RBFOX1: variants seen among roughly 807,000 people sequenced by gnomAD.
RBFOX1 encodes the protein RNA binding fox-1 homolog 1, also known as RNA binding protein fox-1 homolog 1.
Under a neutral mutation model 57.7 loss-of-function variants are expected in RBFOX1, and 8 were observed. The observed-to-expected ratio is 0.14, with a 90% CI of 0.08 to 0.25. The LOEUF is 0.25. Ranked by LOEUF, RBFOX1 falls within the 10% of genes least tolerant of loss-of-function variation. The pLI is 1.00. For synonymous variants in RBFOX1, 326 were observed against 222.4 expected (o/e 1.47, Z -4.15); for missense variants, 611 against 548.5 (o/e 1.11, Z -1.14).
chr16:6,958,996 A>G (rs955832325), intron 3 of RBFOX1, among the ~76,000 whole-genome samples: 1 of 152,228 alleles, frequency 6.6e-6, no homozygotes, highest in Admixed American at 6.5e-5. Context: ...TGAATTAATT[A>G]TAAGGAGAAT....
In RBFOX1 at chr16:6,428,255, C is replaced by T. The variant is rs957019645; in HGVS notation, c.-64+111198C>T. Among the ~76,000 whole-genome samples, 3 of 139,792 alleles carry T rather than the reference C, an allele frequency of 2.1e-5. No homozygotes were observed. In the Admixed American group the frequency reaches 2.3e-4, roughly 11 times the overall value. The allele number at this position is 139,792 out of a possible 152,430, so 91.7% of individuals were successfully genotyped here. A position where few individuals can be genotyped will look rare whatever the true frequency, so the allele number is the denominator to read the frequency against. Reference sequence around the variant, plus strand: ...GAGCTGAGATTATACCACTGCACTCCAGCCTGGACAACAGAGGGAGACCTT... The same window carrying T: ...GAGCTGAGATTATACCACTGCACTCTAGCCTGGACAACAGAGGGAGACCTT... On this transcript the variant is annotated intron_variant, in intron 2 of 15. Transcript: ENST00000550418.
intron 4 of RBFOX1, among the ~76,000 whole-genome samples, chr16:7,405,302 C>G (rs1005160484): frequency 2.0e-5 from 3 of 152,200 alleles, no homozygotes; most frequent in South Asian, 2.1e-4. Context: ...TGGTAGCCCC[C>G]CCGCTGCAAA....
intron 3 of RBFOX1, among the ~76,000 whole-genome samples, chr16:6,893,113 C>T (rs759571756): frequency 6.6e-6 from 1 of 152,270 alleles, no homozygotes; most frequent in East Asian, 1.9e-4. Context: ...ATTCCATTCA[C>T]AGGAGCTCAC....
chr16:7,145,854 C>T (rs2074856099), intron 4 of RBFOX1, among the ~76,000 whole-genome samples: 3 of 152,156 alleles, frequency 2.0e-5, no homozygotes, highest in South Asian at 2.1e-4. Context: ...TATGGCCAGT[C>T]CTCTTCCTTC....
chr16:5,365,532 G>C (rs1287467569), intron 1 of RBFOX1, among the ~76,000 whole-genome samples: 1 of 152,152 alleles, frequency 6.6e-6, no homozygotes, highest in Non-Finnish European at 1.5e-5. Context: ...AGCTGGGCAT[G>C]GTGGCATGTG....
intron 1 of RBFOX1, among the ~76,000 whole-genome samples, chr16:5,243,307 A>T (rs187798900): frequency 2.0e-5 from 3 of 152,120 alleles, no homozygotes; most frequent in Non-Finnish European, 4.4e-5. Flanking sequence ...AACTCACTGG[A>T]GTCACTGAAA....
intron 3 of RBFOX1, among the ~76,000 whole-genome samples, chr16:6,819,678 C>G (rs2090884901): frequency 8.6e-6 from 1 of 115,702 alleles, no homozygotes; most frequent in African/African-American, 3.5e-5. Flanking sequence ...GCATTCCAGC[C>G]TGGGCAACAA....
intron 3 of RBFOX1, among the ~76,000 whole-genome samples, chr16:6,781,824 C>T (rs2081069534): frequency 2.0e-5 from 3 of 151,982 alleles, no homozygotes; most frequent in Non-Finnish European, 4.4e-5. Context: ...CTTAGCGTGG[C>T]TAAAGGTTTG....
At chr16:7,172,899 T>A (rs1239219494) in intron 4 of RBFOX1, among the ~76,000 whole-genome samples, 11 of 152,104 alleles carry the variant, frequency 7.2e-5, no homozygotes, top group Admixed American at 7.2e-4. Flanking sequence ...GCCATGAGAT[T>A]CCCAAGGAAG....
At chr16:7,659,494 G>T (rs2067155456) in intron 12 of RBFOX1, among the ~76,000 whole-genome samples, 1 of 152,118 alleles carries the variant, frequency 6.6e-6, no homozygotes. Flanking sequence ...AGACACAGGG[G>T]CGTCCAATCT....
intron 3 of RBFOX1, among the ~76,000 whole-genome samples, chr16:6,880,869 G>A (rs534737723): frequency 7.9e-5 from 12 of 152,326 alleles, no homozygotes; most frequent in African/African-American, 2.6e-4. Flanking sequence ...TACATTTTAT[G>A]TGGTTGACAG....
In RBFOX1 at chr16:6,089,000, G is replaced by T. The variant is rs372550808; in HGVS notation, c.-127+69008G>T. Among the ~76,000 whole-genome samples the T allele has an allele frequency of 9.2e-5, 14 of 151,474 alleles. No individual in the cohort carries two copies. In the East Asian group the frequency reaches 2.5e-3, roughly 27 times the overall value. ...AATCCCAGCTACTCGAGAGGCCGAG[G>T]CAGGACAACAGCTTGAACCCAGGAG... is the stretch of plus-strand genomic sequence containing the variant. On this transcript the variant is annotated intron_variant, in intron 1 of 15. Coordinates refer to ENST00000550418, the MANE Select transcript of RBFOX1 (RefSeq NM_018723.4).
intron 1 of RBFOX1, among the ~76,000 whole-genome samples, chr16:6,198,204 C>G (rs1448869281): frequency 6.6e-6 from 1 of 152,136 alleles, no homozygotes; most frequent in Non-Finnish European, 1.5e-5. Context: ...TGATTTTTAT[C>G]ATGCTTCAGA....
In RBFOX1 at chr16:5,547,289, A is replaced by C. The variant is rs113805210; in HGVS notation, c.259-51613A>C. Among the ~76,000 whole-genome samples, 1,273 of 152,344 alleles carry C rather than the reference A, an allele frequency of 8.4e-3. 25 individuals carry two copies. The highest frequency in any genetic ancestry group is 0.029 in the African/African-American group (1,194 of 41,566). The stretch of plus-strand genomic sequence containing the variant: ...GAGAAAAGGCAGCATGTCCTCAAAC[A>C]ACACACATGTGCATGAACATTGATG... On this transcript the variant is annotated intron_variant, in intron 2 of 2. Transcript: ENST00000585867.
At chr16:7,045,345 A>G (rs1365858876) in intron 3 of RBFOX1, among the ~76,000 whole-genome samples, 1 of 152,212 alleles carries the variant, frequency 6.6e-6, no homozygotes, top group Non-Finnish European at 1.5e-5. Flanking sequence ...TGTGCAGGGA[A>G]AAATAAACAC....
At chr16:6,510,390 C>T (rs532659219) in intron 2 of RBFOX1, among the ~76,000 whole-genome samples, 2 of 152,126 alleles carry the variant, frequency 1.3e-5, no homozygotes, top group South Asian at 2.1e-4. Flanking sequence ...TTCCCGATGC[C>T]GTTCTGCTCT....
At chr16:6,755,896 C>G (rs1442139996) in intron 3 of RBFOX1, among the ~76,000 whole-genome samples, 1 of 152,122 alleles carries the variant, frequency 6.6e-6, no homozygotes, top group Non-Finnish European at 1.5e-5. Context: ...CTGAAAACTG[C>G]AGCAGATGCA....
chr16:6,698,096 A>C (rs762941389), intron 3 of RBFOX1, among the ~76,000 whole-genome samples: 10 of 152,218 alleles, frequency 6.6e-5, no homozygotes, highest in East Asian at 1.9e-4. Flanking sequence ...ACTGTTTGGA[A>C]ATCATAAAAT....
At chr16:7,229,146 A>T (rs1055529742) in intron 4 of RBFOX1, among the ~76,000 whole-genome samples, 1 of 152,216 alleles carries the variant, frequency 6.6e-6, no homozygotes, top group Admixed American at 6.5e-5. Context: ...AGTAATTTAA[A>T]CATAAAAAGG....
Sources: allele counts gnomAD v4.1 joint callset (sites outside exome capture counted in the v4.1 genomes callset), GRCh38; gene constraint gnomAD v4.1.1; transcripts MANE v1.5; gene names NCBI Gene and HGNC (gene_info 2026-07-23, HGNC 2026-07-21).